The following CTNNA2 variants were observed in gnomAD, a reference collection of about 807,000 sequenced individuals.
CTNNA2 encodes catenin alpha-2.
A neutral mutation model predicts 101.0 loss-of-function variants in CTNNA2; 42 were observed. That is an observed-to-expected ratio of 0.42 (90% confidence interval 0.32 to 0.54). The LOEUF is 0.54. CTNNA2 is among the 20% of genes least tolerant of loss of function. The pLI, the probability that CTNNA2 is intolerant of heterozygous loss-of-function variation, is 0.14. For missense variants in CTNNA2, 871 were observed against 1,223.1 expected, an observed-to-expected ratio of 0.71 and a Z score of 4.29; for synonymous variants, 450 against 456.4, an observed-to-expected ratio of 0.99 and a Z score of 0.18.
chr2:79,570,712 G>A (rs892266182), intron 1 of CTNNA2, among the ~76,000 whole-genome samples: 6 of 152,096 alleles, frequency 3.9e-5, no homozygotes, highest in African/African-American at 1.4e-4. Flanking sequence ...AGCCCACTAT[G>A]TGTTTACTAA....
chr2:79,400,023 A>G (rs976552091), intron 4 of CTNNA2, among the ~76,000 whole-genome samples: 4 of 152,016 alleles, frequency 2.6e-5, no homozygotes, highest in African/African-American at 9.7e-5. Flanking sequence ...GCTTGGTTTT[A>G]TACATTTTAG....
In CTNNA2 at chr2:80,570,143, G is replaced by A. The variant is rs144373739; in HGVS notation, c.1742-4020G>A. 9.6e-3 allele frequency among the ~76,000 whole-genome samples: 1,454 copies of A among 152,078 alleles called. 21 individuals carry two copies. Among genetic ancestry groups the A allele is most frequent in the African/African-American group, 0.03 (1,244 of 41,500 alleles). The stretch of plus-strand genomic sequence containing the variant: ...GGTTCACTGCAACCTCTGCCTCCTG[G>A]GTTCAAGCGATTCTCATGCCTCAGC... On this transcript the variant is annotated intron_variant, in intron 12 of 18. Coordinates refer to ENST00000402739, the MANE Select transcript of CTNNA2 (RefSeq NM_001282597.3).
chr2:79,720,532 G>A (rs150458815), intron 2 of CTNNA2, among the ~76,000 whole-genome samples: 3 of 152,100 alleles, frequency 2.0e-5, no homozygotes, highest in Non-Finnish European at 2.9e-5. Context: ...AACATGGAAC[G>A]CTTTTCATTT....
At chr2:79,532,989 T>G (rs1672836590) in intron 1 of CTNNA2, among the ~76,000 whole-genome samples, 1 of 152,016 alleles carries the variant, frequency 6.6e-6, no homozygotes, top group Non-Finnish European at 1.5e-5. Context: ...GTCTGAAATA[T>G]TCCTCTCCCA....
chr2:80,423,086 CT>C (rs59675400), intron 9 of CTNNA2, among the ~76,000 whole-genome samples: 10 of 151,980 alleles, frequency 6.6e-5, no homozygotes, highest in African/African-American at 1.7e-4. Context: ...AGTATGCTCT[CT>C]TTTTTCCTTG....
chr2:80,537,198 A>C (rs911751174), intron 9 of CTNNA2, among the ~76,000 whole-genome samples: 2 of 151,818 alleles, frequency 1.3e-5, no homozygotes, highest in African/African-American at 4.8e-5. Context: ...TTCCTGTGTT[A>C]GTTTGCTGAG....
At chr2:80,226,659 C>T (rs905002508) in intron 7 of CTNNA2, among the ~76,000 whole-genome samples, 1 of 152,126 alleles carries the variant, frequency 6.6e-6, no homozygotes, top group South Asian at 2.1e-4. Flanking sequence ...CTTTTTCCCT[C>T]GAGCTTGAAT....
chr2:79,729,401 C>G (rs1573810676), intron 2 of CTNNA2, among the ~76,000 whole-genome samples: 1 of 152,078 alleles, frequency 6.6e-6, no homozygotes, highest in African/African-American at 2.4e-5. Context: ...TCATTTGGCA[C>G]CTAAGTAAGA....
At chr2:79,588,432 A>C (rs1676632442) in intron 1 of CTNNA2, among the ~76,000 whole-genome samples, 1 of 152,226 alleles carries the variant, frequency 6.6e-6, no homozygotes. Flanking sequence ...TTCTGGATAA[A>C]GATATACTTA....
At chr2:80,212,671 A>T (rs1285791365) in intron 7 of CTNNA2, among the ~76,000 whole-genome samples, 1 of 152,178 alleles carries the variant, frequency 6.6e-6, no homozygotes, top group African/African-American at 2.4e-5. Context: ...ATACTAGTCT[A>T]AAATTCTCTT....
intron 3 of CTNNA2, among the ~76,000 whole-genome samples, chr2:79,802,007 A>G (rs1172808788): frequency 2.0e-5 from 3 of 151,048 alleles, no homozygotes; most frequent in Non-Finnish European, 4.4e-5. Context: ...AAAAAAAAAA[A>G]AAAAAATGAA....
chr2:79,448,397 G>A (rs1419281771), intron 4 of CTNNA2, among the ~76,000 whole-genome samples: 1 of 151,972 alleles, frequency 6.6e-6, no homozygotes, highest in African/African-American at 2.4e-5. Flanking sequence ...ATTATGTTTT[G>A]ATATATTTAT....
intron 3 of CTNNA2, among the ~76,000 whole-genome samples, chr2:79,353,804 T>C (rs1190086517): frequency 6.6e-6 from 1 of 152,186 alleles, no homozygotes; most frequent in African/African-American, 2.4e-5. Context: ...GTGGCAGATA[T>C]CATTCTTTTG....
At chr2:79,989,605 C>T (rs1692025185) in intron 7 of CTNNA2, among the ~76,000 whole-genome samples, 1 of 152,178 alleles carries the variant, frequency 6.6e-6, no homozygotes, top group Non-Finnish European at 1.5e-5. Flanking sequence ...CACTGCACTC[C>T]AGCCTGGTCT....
At chr2:79,228,298 T>A (rs752891475) in intron 2 of CTNNA2, among the ~76,000 whole-genome samples, 8 of 152,218 alleles carry the variant, frequency 5.3e-5, no homozygotes, top group Non-Finnish European at 1.0e-4. Flanking sequence ...GGAATGGTAG[T>A]TCTCTTTTAA....
intron 7 of CTNNA2, among the ~76,000 whole-genome samples, chr2:80,390,076 G>A (rs919206909): frequency 2.0e-5 from 3 of 152,144 alleles, no homozygotes; most frequent in African/African-American, 7.2e-5. Flanking sequence ...AGAAAAAGCT[G>A]GCTCATTTCA....
intron 2 of CTNNA2, among the ~76,000 whole-genome samples, chr2:79,662,253 A>G (rs78192323): frequency 0.018 from 2,751 of 152,158 alleles, 66 homozygotes; most frequent in South Asian, 0.12. Flanking sequence ...GTTAATGCAT[A>G]TGAATATGCA....
At chr2:79,314,657 A>G (rs568979728) in intron 3 of CTNNA2, among the ~76,000 whole-genome samples, 4 of 152,296 alleles carry the variant, frequency 2.6e-5, no homozygotes, top group Non-Finnish European at 4.4e-5. Context: ...ACCAATTTTC[A>G]TTTTAACATT....
intron 7 of CTNNA2, among the ~76,000 whole-genome samples, chr2:80,061,064 C>G (rs1203218140): frequency 6.6e-6 from 1 of 152,158 alleles, no homozygotes; most frequent in Admixed American, 6.5e-5. Flanking sequence ...TGTCTTGCTT[C>G]CTTACAGGCA....
Sources: gnomAD v4.1 joint callset for allele counts (sites outside exome capture counted in the v4.1 genomes callset) on GRCh38, gnomAD v4.1.1 for gene constraint, MANE v1.5 for transcripts, NCBI Gene and HGNC (gene_info 2026-07-23, HGNC 2026-07-21) for gene names.